ANK1: variants seen among roughly 807,000 people sequenced by gnomAD.
ANK1 encodes ankyrin 1.
Under a neutral mutation model 210.4 loss-of-function variants are expected in ANK1, and 51 were observed. The observed-to-expected ratio is 0.24, with a 90% confidence interval of 0.19 to 0.31. ANK1 has a LOEUF of 0.31. ANK1 is among the 10% of genes least tolerant of loss of function. The probability of loss-of-function intolerance (pLI) is 1.00; values close to 1 mark genes in which losing one functional copy is unlikely to be tolerated. For missense variants in ANK1, 2,051 were observed against 2,504.4 expected, an observed-to-expected ratio of 0.82 and a Z score of 3.86; for synonymous variants, 967 against 1,025.9, an observed-to-expected ratio of 0.94 and a Z score of 1.10.
intron 1 of ANK1, among the ~76,000 whole-genome samples, chr8:41,779,516 A>C (rs1844829116): frequency 6.6e-6 from 1 of 152,050 alleles, no homozygotes; most frequent in South Asian, 2.1e-4. Context: ...GGGCTCCCAA[A>C]CTGCTGGGAT....
intron 3 of ANK1, among the ~76,000 whole-genome samples, chr8:41,729,969 T>C (rs975522796): frequency 6.6e-6 from 1 of 152,262 alleles, no homozygotes; most frequent in Admixed American, 6.5e-5. Flanking sequence ...CATCTGTCCC[T>C]GCACTACTTA....
chr8:41,774,306 A>G (rs910937141), intron 1 of ANK1, among the ~76,000 whole-genome samples: 6 of 152,210 alleles, frequency 3.9e-5, no homozygotes, highest in Non-Finnish European at 7.3e-5. Context: ...TTTAAGCACA[A>G]TGCTGGCCGC....
At chr8:41,740,162 A>AT (rs34773901) in intron 2 of ANK1, among the ~76,000 whole-genome samples, 46,528 of 137,286 alleles carry the variant, frequency 0.34, 10,324 homozygotes, top group African/African-American at 0.64. Flanking sequence ...TTTGTTTTTG[A>AT]TTTTTTTTTT....
rs138282824 is a variant in ANK1, at chr8:41,750,827, C to T, written c.129+7209G>A. Among the ~76,000 whole-genome samples, 456 of 152,344 alleles carry T rather than the reference C, an allele frequency of 3.0e-3. 2 individuals are homozygous for T. Among genetic ancestry groups the T allele is most frequent in the Non-Finnish European group, 5.4e-3 (367 of 68,042 alleles). On this transcript the variant is annotated intron_variant, in intron 2 of 42. Coordinates refer to ENST00000289734, the MANE Select transcript of ANK1 (RefSeq NM_000037.4). The stretch of plus-strand genomic sequence containing the variant: ...AGTCTTCACTTTGAACTCTGCCTTA[C>T]GCTGAGTTGTGGACGACAAAGCTTC...
chr8:41,678,776 C>A (rs760350895), intron 37 of ANK1, among the ~76,000 whole-genome samples: 19 of 152,032 alleles, frequency 1.2e-4, no homozygotes, highest in Non-Finnish European at 2.2e-4. Context: ...TTTGCTAATT[C>A]TTTTTTTGTT....
intron 39 of ANK1, chr8:41,664,738 C>T (rs1030353122): frequency 1.8e-5 from 27 of 1,461,730 alleles, no homozygotes; most frequent in Admixed American, 3.9e-5. Context: ...CCCACAGCAG[C>T]GTCCCCTCAG....
At chr8:41,892,559 CTGCAAGGAACTAACTACA>C in intron 1 of ANK1, among the ~76,000 whole-genome samples, 1 of 152,202 alleles carries the variant, frequency 6.6e-6, no homozygotes, top group Non-Finnish European at 1.5e-5. Flanking sequence ...AGCAGAGACC[CTGCAAGGAACTAACTACA>C]TGCTCAGTGG....
At chr8:41,869,840 TA>T (rs1815141764) in intron 1 of ANK1, among the ~76,000 whole-genome samples, 1 of 152,216 alleles carries the variant, frequency 6.6e-6, no homozygotes, top group African/African-American at 2.4e-5. Context: ...GGCTTGCTTA[TA>T]TTTTCAATAT....
intron 1 of ANK1, among the ~76,000 whole-genome samples, chr8:41,874,795 A>G (rs1221308461): frequency 2.6e-5 from 4 of 152,100 alleles, no homozygotes; most frequent in African/African-American, 9.7e-5. Flanking sequence ...CTTCTCCTTC[A>G]TGGTCATTCT....
At chr8:41,813,228 C>G (rs1802765198) in intron 1 of ANK1, among the ~76,000 whole-genome samples, 1 of 152,216 alleles carries the variant, frequency 6.6e-6, no homozygotes, top group African/African-American at 2.4e-5. Flanking sequence ...TATCCATACA[C>G]AGCATGTTGT....
chr8:41,821,263 TATG>T (rs1403597369), intron 1 of ANK1, among the ~76,000 whole-genome samples: 2 of 152,194 alleles, frequency 1.3e-5, no homozygotes, highest in African/African-American at 4.8e-5. Flanking sequence ...AAACTTGAAA[TATG>T]ATATCAAAAA....
chr8:41,714,797 T>C (rs1018240225), intron 15 of ANK1, among the ~76,000 whole-genome samples, 179 bp downstream of exon 15: 4 of 151,786 alleles, frequency 2.6e-5, no homozygotes, highest in African/African-American at 4.8e-5. Context: ...GGAGTCAAAA[T>C]TGTAGTGAGT....
intron 1 of ANK1, among the ~76,000 whole-genome samples, chr8:41,791,203 T>G (rs1024530817): frequency 5.1e-5 from 7 of 138,212 alleles, no homozygotes; most frequent in Admixed American, 7.3e-5. Context: ...TGTTTTTTTT[T>G]TTTTTTTTTT....
At chr8:41,863,328 T>C (rs931319386) in intron 1 of ANK1, among the ~76,000 whole-genome samples, 4 of 151,858 alleles carry the variant, frequency 2.6e-5, no homozygotes, top group South Asian at 4.2e-4. Flanking sequence ...CACTGCACTC[T>C]AGCCTGGGCA....
intron 37 of ANK1, chr8:41,684,338 C>T (rs1442165457): frequency 2.0e-5 from 17 of 832,264 alleles, no homozygotes; most frequent in Non-Finnish European, 2.9e-5. Flanking sequence ...GGAGGCGATG[C>T]CCACCTGCAC....
chr8:41,700,789 G>T (rs1051786284), intron 22 of ANK1, among the ~76,000 whole-genome samples: 1 of 152,088 alleles, frequency 6.6e-6, no homozygotes, highest in South Asian at 2.1e-4. Flanking sequence ...TAGAGACAGG[G>T]TCTTGCTCTG....
rs761822190 is a variant in ANK1, at chr8:41,686,108, G to A, written c.4390+44C>T. On this transcript the variant is annotated intron_variant, in intron 36 of 42. Coordinates refer to ENST00000289734, the MANE Select transcript of ANK1 (RefSeq NM_000037.4). ...TTTGAAGGAAGAACTAGTTTGGTGGGGAGGAGGTCCTAGGACAGGCTTCCT... is the reference window on the plus strand; with the variant it reads ...TTTGAAGGAAGAACTAGTTTGGTGGAGAGGAGGTCCTAGGACAGGCTTCCT... 22 of 1,613,966 alleles carry A rather than the reference G, an allele frequency of 1.4e-5. No individual in the cohort carries two copies. In the African/African-American group the frequency reaches 2.8e-4, roughly 21 times the overall value.
At chr8:41,663,893 C>G (rs539541852) in intron 39 of ANK1, 151 bp from the exon 40 acceptor site, 119 of 720,544 alleles carry the variant, frequency 1.7e-4, no homozygotes, top group African/African-American at 1.6e-3. Context: ...GTAGCAGGAG[C>G]CATGCCAGGG....
At chr8:41,896,614 G>A (rs1820572425) in exon 1 of ANK1, 12 of 1,221,696 alleles carry the variant, frequency 9.8e-6, no homozygotes, top group Admixed American at 4.1e-5. Flanking sequence ...CCCGAGGGCC[G>A]GCTGCTGCGG....
Sources: gnomAD v4.1 joint callset for allele counts (sites outside exome capture counted in the v4.1 genomes callset) on GRCh38, gnomAD v4.1.1 for gene constraint, MANE v1.5 for transcripts, NCBI Gene and HGNC (gene_info 2026-07-23, HGNC 2026-07-21) for gene names.